Variants in PTPRN2 observed in about 807,000 individuals in gnomAD.
PTPRN2 encodes receptor-type tyrosine-protein phosphatase N2.
A neutral mutation model predicts 118.8 loss-of-function variants in PTPRN2; 74 were observed. The ratio of observed to expected loss-of-function variants is 0.62; its 90% CI spans 0.52 to 0.76. PTPRN2 has a LOEUF of 0.76. Ranked by LOEUF, PTPRN2 falls within the 30% of genes least tolerant of loss-of-function variation. PTPRN2 has a pLI of 0.00. For missense variants in PTPRN2, 1,481 were observed against 1,394.4 expected (o/e 1.06, Z -0.99); for synonymous variants, 641 against 608.0 (o/e 1.05, Z -0.80).
intron 11 of PTPRN2, among the ~76,000 whole-genome samples, chr7:158,051,695 T>G (rs10256092): frequency 0.49 from 74,066 of 152,116 alleles, 18,608 homozygotes; most frequent in Non-Finnish European, 0.53. Context: ...GCTGGTAATA[T>G]GTTCACTTCA....
chr7:157,773,146 G>A (rs1431140802), intron 12 of PTPRN2, among the ~76,000 whole-genome samples: 2 of 152,148 alleles, frequency 1.3e-5, no homozygotes, highest in African/African-American at 4.8e-5. Flanking sequence ...TCATCGCGAG[G>A]ACCTCGTTCT....
chr7:157,978,605 T>G (rs543164004), intron 11 of PTPRN2, among the ~76,000 whole-genome samples: 1 of 151,836 alleles, frequency 6.6e-6, no homozygotes, highest in East Asian at 1.9e-4. Flanking sequence ...TCACAAACAC[T>G]CATGAAAGCA....
intron 2 of PTPRN2, among the ~76,000 whole-genome samples, chr7:158,396,245 A>G (rs1413550273): frequency 6.6e-6 from 1 of 152,098 alleles, no homozygotes; most frequent in Admixed American, 6.5e-5. Context: ...GAGCATTTTC[A>G]CACACACACA....
intron 21 of PTPRN2, among the ~76,000 whole-genome samples, chr7:157,566,413 A>T (rs1269354601): frequency 3.3e-5 from 5 of 152,210 alleles, no homozygotes; most frequent in Non-Finnish European, 7.3e-5. Context: ...CCTGCACCAG[A>T]ACAAAACCCC....
intron 12 of PTPRN2, among the ~76,000 whole-genome samples, chr7:157,800,466 C>G (rs985288393): frequency 6.6e-6 from 1 of 152,214 alleles, no homozygotes; most frequent in Non-Finnish European, 1.5e-5. Context: ...GACTCAACGA[C>G]CCTCTGCTGA....
chr7:158,237,965 CA>C (rs1795641519), intron 3 of PTPRN2, among the ~76,000 whole-genome samples: 1 of 152,220 alleles, frequency 6.6e-6, no homozygotes, highest in African/African-American at 2.4e-5. Flanking sequence ...ACACAGGACA[CA>C]AGTGTCTGTG....
At chr7:158,357,943 G>A (rs1011143041) in intron 2 of PTPRN2, among the ~76,000 whole-genome samples, 1 of 152,248 alleles carries the variant, frequency 6.6e-6, no homozygotes, top group Admixed American at 6.5e-5. Context: ...AATCAGGGGT[G>A]CATGGGGCTC....
intron 3 of PTPRN2, among the ~76,000 whole-genome samples, chr7:158,315,298 G>GAAGGACAGAGGTGAACCCGGGACGCCCTC (rs1554452768): frequency 0.02 from 79 of 4,008 alleles, 2 homozygotes; most frequent in Admixed American, 0.024. Context: ...GGGACCCCCT[G>GAAGGACAGAGGTGAACCCGGGACGCCCTC]AAGGACAGAG....
chr7:157,986,371 T>C lies in PTPRN2; in HGVS notation c.1724-87634A>G, dbSNP rs943362707. Reference sequence around the variant, plus strand: ...TGGCCTGAGAGGTCAGCTAGTCCAATTGCTTCCTTGTAGACACGCAGAAAC... The same window carrying C: ...TGGCCTGAGAGGTCAGCTAGTCCAACTGCTTCCTTGTAGACACGCAGAAAC... On this transcript the variant is annotated intron_variant, in intron 11 of 22. Transcript: ENST00000389418. This position sits in a 1 kb window ranked among gnomAD's most constrained non-coding sequence, Gnocchi z 4.5. Among the ~76,000 whole-genome samples the C allele has an allele frequency of 2.6e-5, 4 of 152,142 alleles. No individual in the cohort carries two copies. In the East Asian group the frequency reaches 5.8e-4, roughly 22 times the overall value.
intron 5 of PTPRN2, among the ~76,000 whole-genome samples, chr7:158,171,268 C>CATAT (rs1266622555): frequency 7.2e-5 from 7 of 97,458 alleles, no homozygotes; most frequent in African/African-American, 3.2e-4. Context: ...TATATACACA[C>CATAT]ATATATACAC....
At chr7:158,203,341 T>C (rs1454721809) in intron 4 of PTPRN2, among the ~76,000 whole-genome samples, 1 of 151,844 alleles carries the variant, frequency 6.6e-6, no homozygotes, top group East Asian at 1.9e-4. Context: ...TATTTTAAAC[T>C]TTTAATCTCA....
intron 21 of PTPRN2, among the ~76,000 whole-genome samples, chr7:157,558,150 G>A (rs1317273007): frequency 6.6e-6 from 1 of 150,494 alleles, no homozygotes; most frequent in Non-Finnish European, 1.5e-5. Flanking sequence ...TCCTATCTGT[G>A]TGTGAACACG....
At position 158,138,355 on chromosome 7, in the gene PTPRN2, C is replaced by T; in HGVS notation, c.1071G>A (p.Leu357=). 1 of 1,613,816 alleles carries T rather than the reference C, an allele frequency of 6.2e-7. No individual in the cohort carries two copies. Among genetic ancestry groups the T allele is most frequent in the East Asian group, 2.2e-5 (1 of 44,854 alleles). The change falls in exon 7 of 23, where the codon CTG becomes CTA. Residue 357 remains leucine (L), a synonymous_variant. Coordinates refer to ENST00000389418, the MANE Select transcript of PTPRN2 (RefSeq NM_002847.5). The stretch of plus-strand genomic sequence containing the variant: ...CATCCGCCTGTTCTCCAGACTCTCC[C>T]AGGGCCGCTCTCCCAGGGCTGCCTC... ...VARGSPGRAA[L]GESGEQADGP...
chr7:158,278,782 C>A (rs546851852), intron 3 of PTPRN2, among the ~76,000 whole-genome samples: 1 of 152,188 alleles, frequency 6.6e-6, no homozygotes, highest in Non-Finnish European at 1.5e-5. Context: ...AAGCTGCAGA[C>A]CTTTGCAGTG....
chr7:157,612,429 TG>T (rs1010481077), intron 15 of PTPRN2, among the ~76,000 whole-genome samples: 1 of 151,810 alleles, frequency 6.6e-6, no homozygotes, highest in African/African-American at 2.4e-5. Context: ...CACAAACGGC[TG>T]GGGGGCGCCT....
intron 11 of PTPRN2, among the ~76,000 whole-genome samples, chr7:158,050,237 G>A (rs1018787104): frequency 5.3e-5 from 8 of 152,218 alleles, no homozygotes; most frequent in African/African-American, 1.7e-4. Flanking sequence ...GCCTTTTGTA[G>A]ATTATTCATG....
chr7:158,512,472 C>T (rs1478633075), intron 1 of PTPRN2, among the ~76,000 whole-genome samples: 1 of 152,140 alleles, frequency 6.6e-6, no homozygotes, highest in Non-Finnish European at 1.5e-5. Flanking sequence ...GGTATAGATA[C>T]AGATGGTAAC....
At chr7:157,577,976 C>T (rs758477826) in intron 18 of PTPRN2, 45 bp downstream of exon 18, 10 of 1,529,526 alleles carry the variant, frequency 6.5e-6, no homozygotes, top group African/African-American at 1.4e-5. Flanking sequence ...GGCCCGTCCT[C>T]GTCCGGCTGG....
chr7:158,412,857 A>C (rs1414560750), intron 2 of PTPRN2, among the ~76,000 whole-genome samples: 2 of 109,914 alleles, frequency 1.8e-5, no homozygotes, highest in Non-Finnish European at 3.7e-5. Context: ...CCTCCTCAGC[A>C]CCAGGGCCCA....
Sources: gnomAD v4.1 joint callset for allele counts (sites outside exome capture counted in the v4.1 genomes callset) on GRCh38, gnomAD v4.1.1 for gene constraint, Gnocchi (gnomAD v3.1) non-coding constraint, MANE v1.5 for transcripts, NCBI Gene and HGNC (gene_info 2026-07-23, HGNC 2026-07-21) for gene names.